Variants in SUGCT observed in about 807,000 individuals in gnomAD.
SUGCT encodes the protein succinyl-CoA:glutarate-CoA transferase, also known as succinyl-CoA:glutarate CoA-transferase.
SUGCT carries 41 observed loss-of-function variants against 55.0 expected under a neutral mutation model. The observed-to-expected ratio is 0.74, with a 90% CI of 0.58 to 0.97. The LOEUF is 0.97. SUGCT is among the 50% of genes least tolerant of loss of function. The pLI, the probability that SUGCT is intolerant of heterozygous loss-of-function variation, is 0.00. For synonymous variants in SUGCT, 187 were observed against 200.4 expected, an observed-to-expected ratio of 0.93 and a Z score of 0.56; for missense variants, 568 against 547.8, an observed-to-expected ratio of 1.04 and a Z score of -0.37.
At chr7:40,699,000 A>C (rs568954130) in intron 12 of SUGCT, among the ~76,000 whole-genome samples, 59 of 152,322 alleles carry the variant, frequency 3.9e-4, no homozygotes, top group Non-Finnish European at 7.3e-4. Flanking sequence ...TCAATCACAC[A>C]GTCTTTTATG....
intron 11 of SUGCT, among the ~76,000 whole-genome samples, chr7:40,460,084 G>GTTATAAGTATAAGTGTTTC (rs1789710294): frequency 6.6e-6 from 1 of 152,076 alleles, no homozygotes; most frequent in Non-Finnish European, 1.5e-5. Context: ...TTTCTATGTA[G>GTTATAAGTATAAGTGTTTC]TATACATCAA....
intron 9 of SUGCT, among the ~76,000 whole-genome samples, chr7:40,390,522 A>ACTCCCATT (rs1785367800): frequency 6.6e-6 from 1 of 152,154 alleles, no homozygotes; most frequent in Non-Finnish European, 1.5e-5. Flanking sequence ...TCGTGAGTGA[A>ACTCCCATT]CTCCCATTCA....
At chr7:40,793,758 C>T (rs972968689) in intron 13 of SUGCT, among the ~76,000 whole-genome samples, 3 of 152,082 alleles carry the variant, frequency 2.0e-5, no homozygotes, top group African/African-American at 4.8e-5. Context: ...CCTTCTAGAA[C>T]TCCAGTTAGC....
intron 13 of SUGCT, among the ~76,000 whole-genome samples, chr7:40,807,714 G>A (rs1410424949): frequency 6.6e-6 from 1 of 152,118 alleles, no homozygotes; most frequent in Non-Finnish European, 1.5e-5. Context: ...GAACTAAGAG[G>A]ATAGATGTAT....
At chr7:40,769,317 T>G (rs537823344) in intron 13 of SUGCT, among the ~76,000 whole-genome samples, 1 of 152,348 alleles carries the variant, frequency 6.6e-6, no homozygotes, top group South Asian at 2.1e-4. Flanking sequence ...ACCTGATTCC[T>G]TGAGGTGGTG....
intron 13 of SUGCT, among the ~76,000 whole-genome samples, chr7:40,770,821 G>C (rs1789061284): frequency 6.6e-6 from 1 of 152,102 alleles, no homozygotes; most frequent in Non-Finnish European, 1.5e-5. Context: ...TGTCCCTCCT[G>C]TATGCTCCCC....
chr7:40,903,701 C>G, the SUGCT span, among the ~76,000 whole-genome samples: 1 of 152,188 alleles, frequency 6.6e-6, no homozygotes, highest in Non-Finnish European at 1.5e-5. Context: ...CAAGGGGTGG[C>G]ACCCTGGGCT....
At chr7:40,316,947 C>G in intron 9 of SUGCT, 92 bp downstream of exon 9, 1 of 306,018 alleles carries the variant, frequency 3.3e-6, no homozygotes, top group Non-Finnish European at 5.9e-6. Context: ...TACACAAATC[C>G]TTCAGCTGTT....
chr7:40,253,586 G>A (rs560285875), intron 7 of SUGCT, among the ~76,000 whole-genome samples: 41 of 151,004 alleles, frequency 2.7e-4, no homozygotes, highest in Middle Eastern at 7.0e-3. Flanking sequence ...TTTTTGAGGC[G>A]GAGCCTCGCT....
At chr7:40,563,158 C>T (rs769631790) in intron 12 of SUGCT, among the ~76,000 whole-genome samples, 35 of 152,102 alleles carry the variant, frequency 2.3e-4, no homozygotes, top group Non-Finnish European at 4.6e-4. Context: ...AGTGGTTGCC[C>T]AAAGACAGGA....
chr7:40,377,231 TTCCC>T (rs1562729080), intron 9 of SUGCT, among the ~76,000 whole-genome samples: 2,149 of 19,562 alleles, frequency 0.11, 882 homozygotes, highest in South Asian at 0.23. Flanking sequence ...TCTTTCTTTC[TTCCC>T]TTCCTTCCTT....
chr7:40,676,795 G>A (rs563652239), intron 12 of SUGCT, among the ~76,000 whole-genome samples: 38 of 152,110 alleles, frequency 2.5e-4, no homozygotes, highest in South Asian at 1.0e-3. Context: ...GAGCCACCAC[G>A]CCTGGCCTAT....
intron 12 of SUGCT, among the ~76,000 whole-genome samples, chr7:40,608,527 A>G (rs144704548): frequency 1.4e-3 from 206 of 152,340 alleles, no homozygotes; most frequent in African/African-American, 4.8e-3. Context: ...AATACAAAAC[A>G]TAGCTAAGTA....
At chr7:40,953,043 G>T in the SUGCT span, among the ~76,000 whole-genome samples, 1 of 152,218 alleles carries the variant, frequency 6.6e-6, no homozygotes, top group Middle Eastern at 3.2e-3. Flanking sequence ...ATCCTGAAGA[G>T]TGTTTTCCAA....
intron 8 of SUGCT, among the ~76,000 whole-genome samples, chr7:40,300,724 G>C (rs1310114091): frequency 6.6e-6 from 1 of 152,204 alleles, no homozygotes; most frequent in Non-Finnish European, 1.5e-5. Context: ...TTGCAGCTTA[G>C]ATCTTAAAAG....
At chr7:40,535,487 G>A (rs1357603014) in intron 12 of SUGCT, among the ~76,000 whole-genome samples, 1 of 152,156 alleles carries the variant, frequency 6.6e-6, no homozygotes, top group East Asian at 1.9e-4. Context: ...AAGGAGTTGG[G>A]AGATTCCTGA....
chr7:40,137,786 A>G (rs996084447), intron 1 of SUGCT, among the ~76,000 whole-genome samples: 10 of 152,024 alleles, frequency 6.6e-5, no homozygotes, highest in South Asian at 2.1e-4. Context: ...GGCTCAAGCA[A>G]TCCTTCCACC....
chr7:40,394,345 G>C (rs1785602926), intron 9 of SUGCT, among the ~76,000 whole-genome samples: 1 of 152,018 alleles, frequency 6.6e-6, no homozygotes, highest in African/African-American at 2.4e-5. Context: ...AATATTTTAG[G>C]CTTCGTGGTC....
chr7:40,335,962 T>C (rs1796674234), intron 9 of SUGCT, among the ~76,000 whole-genome samples: 1 of 152,224 alleles, frequency 6.6e-6, no homozygotes, highest in Admixed American at 6.5e-5. Flanking sequence ...CATGAAGGGC[T>C]GTTGAATTTT....
Sources: gnomAD v4.1 joint callset for allele counts (sites outside exome capture counted in the v4.1 genomes callset) on GRCh38, gnomAD v4.1.1 for gene constraint, MANE v1.5 for transcripts, NCBI Gene and HGNC (gene_info 2026-07-23, HGNC 2026-07-21) for gene names.